The following BTBD9 variants were observed in gnomAD, a reference collection of about 807,000 sequenced individuals.
The protein encoded by BTBD9 is BTB domain containing 9.
BTBD9 carries 49 observed loss-of-function variants against 64.3 expected under a neutral mutation model. The ratio of observed to expected loss-of-function variants is 0.76; its 90% CI spans 0.61 to 0.97. BTBD9 has a LOEUF of 0.97. Ranked by LOEUF, BTBD9 falls within the 50% of genes least tolerant of loss-of-function variation. BTBD9 has a pLI of 0.00. For synonymous variants in BTBD9, 260 were observed against 274.7 expected, an observed-to-expected ratio of 0.95 and a Z score of 0.53; for missense variants, 598 against 762.1, an observed-to-expected ratio of 0.78 and a Z score of 2.53.
intron 6 of BTBD9, among the ~76,000 whole-genome samples, chr6:38,540,310 G>GGT (rs141658236): frequency 0.2 from 31,113 of 152,054 alleles, 3,655 homozygotes; most frequent in Non-Finnish European, 0.29. Context: ...TAACACACAC[G>GGT]GTGGAGGTAT....
At chr6:38,375,978 C>T (rs1765682809) in intron 6 of BTBD9, among the ~76,000 whole-genome samples, 2 of 150,838 alleles carry the variant, frequency 1.3e-5, no homozygotes, top group African/African-American at 2.4e-5. Context: ...AACGTGTAGG[C>T]ATAACTATGA....
intron 9 of BTBD9, among the ~76,000 whole-genome samples, chr6:38,241,464 T>C (rs887236079): frequency 3.3e-5 from 5 of 152,206 alleles, no homozygotes. Flanking sequence ...GCCACATTAC[T>C]AGGAATACAA....
chr6:38,181,937 G>A (rs1761572572), intron 10 of BTBD9, among the ~76,000 whole-genome samples: 1 of 152,132 alleles, frequency 6.6e-6, no homozygotes, highest in Admixed American at 6.5e-5. Context: ...GCAGTGAGCC[G>A]AGATCGCGCC....
chr6:38,273,259 G>A (rs1765254957), intron 8 of BTBD9, among the ~76,000 whole-genome samples: 1 of 152,128 alleles, frequency 6.6e-6, no homozygotes, highest in Non-Finnish European at 1.5e-5. Flanking sequence ...GTACAGTAAT[G>A]TCCTTTTATC....
At chr6:38,579,457 C>T (rs779291738) in intron 5 of BTBD9, among the ~76,000 whole-genome samples, 19 of 152,274 alleles carry the variant, frequency 1.2e-4, no homozygotes, top group Middle Eastern at 6.8e-3. Flanking sequence ...TGCTCTGGTA[C>T]TTCTGCCATT....
intron 8 of BTBD9, among the ~76,000 whole-genome samples, chr6:38,259,451 G>A (rs1764717322): frequency 6.6e-6 from 1 of 152,166 alleles, no homozygotes; most frequent in African/African-American, 2.4e-5. Flanking sequence ...TGCCCAGGCT[G>A]GAGTGCAGTG....
At chr6:38,228,349 C>CA (rs1401295684) in intron 9 of BTBD9, among the ~76,000 whole-genome samples, 13 of 68,334 alleles carry the variant, frequency 1.9e-4, no homozygotes, top group Admixed American at 1.5e-3. Context: ...TGTCCCCCCC[C>CA]CCAAAAAAAA....
intron 6 of BTBD9, among the ~76,000 whole-genome samples, chr6:38,547,909 C>A (rs1378290717): frequency 6.6e-6 from 1 of 152,150 alleles, no homozygotes; most frequent in African/African-American, 2.4e-5. Context: ...TTATCTGGCA[C>A]ACTGTAGACT....
intron 9 of BTBD9, among the ~76,000 whole-genome samples, chr6:38,249,914 T>A (rs545811589): frequency 6.6e-6 from 1 of 152,232 alleles, no homozygotes; most frequent in African/African-American, 2.4e-5. Context: ...GATCCCAGAA[T>A]TACAAGGAAT....
chr6:38,307,506 C>T (rs909706403), intron 7 of BTBD9, among the ~76,000 whole-genome samples: 1 of 152,198 alleles, frequency 6.6e-6, no homozygotes, highest in African/African-American at 2.4e-5. Flanking sequence ...GAACACACTT[C>T]CAGAGAATTC....
chr6:38,234,981 C>T (rs1017369305), intron 9 of BTBD9, among the ~76,000 whole-genome samples: 3 of 152,216 alleles, frequency 2.0e-5, no homozygotes, highest in Non-Finnish European at 2.9e-5. Flanking sequence ...CATACATGCA[C>T]CCCTTATTCC....
intron 1 of BTBD9, among the ~76,000 whole-genome samples, chr6:38,638,518 G>A (rs755322220): frequency 2.6e-5 from 4 of 152,178 alleles, no homozygotes; most frequent in African/African-American, 9.7e-5. Context: ...GTTAGACATA[G>A]GGCAAGGAGG....
At chr6:38,240,346 CTTAA>C (rs1763952798) in intron 9 of BTBD9, among the ~76,000 whole-genome samples, 1 of 152,162 alleles carries the variant, frequency 6.6e-6, no homozygotes, top group Non-Finnish European at 1.5e-5. Context: ...ATTGGGAAGG[CTTAA>C]TTAGTGAGCC....
At chr6:38,375,942 G>A (rs9349075) in intron 6 of BTBD9, among the ~76,000 whole-genome samples, 3,464 of 26,114 alleles carry the variant, frequency 0.13, 105 homozygotes, top group East Asian at 0.32. Flanking sequence ...AAAGAAAGAA[G>A]GAAAGAAGGA....
At chr6:38,634,692 C>A (rs559067944) in intron 1 of BTBD9, among the ~76,000 whole-genome samples, 19 of 152,100 alleles carry the variant, frequency 1.2e-4, no homozygotes, top group Non-Finnish European at 2.5e-4. Context: ...AATTAGAAAT[C>A]ATATCCTCCC....
intron 9 of BTBD9, among the ~76,000 whole-genome samples, chr6:38,199,640 C>G (rs1762388306): frequency 6.6e-6 from 1 of 152,202 alleles, no homozygotes; most frequent in Non-Finnish European, 1.5e-5. Context: ...TAGGGAAGGT[C>G]TCTTGGGTAA....
At chr6:38,505,339 T>C (rs58051855) in intron 6 of BTBD9, among the ~76,000 whole-genome samples, 22,949 of 152,110 alleles carry the variant, frequency 0.15, 1,970 homozygotes, top group Admixed American at 0.21. Context: ...AAATCCCCTA[T>C]GGAGGCCAGG....
At chr6:38,491,433 T>C (rs1771697607) in intron 6 of BTBD9, among the ~76,000 whole-genome samples, 1 of 152,212 alleles carries the variant, frequency 6.6e-6, no homozygotes, top group South Asian at 2.1e-4. Flanking sequence ...GCTAACTAAC[T>C]AGTATTTTAT....
At chr6:38,440,141 T>A (rs1425100437) in intron 6 of BTBD9, among the ~76,000 whole-genome samples, 3 of 152,178 alleles carry the variant, frequency 2.0e-5, no homozygotes, top group Non-Finnish European at 2.9e-5. Context: ...TTGGGAGTGT[T>A]CAGCATAGAT....
Sources: allele counts gnomAD v4.1 joint callset (sites outside exome capture counted in the v4.1 genomes callset), GRCh38; gene constraint gnomAD v4.1.1; transcripts MANE v1.5; gene names NCBI Gene and HGNC (gene_info 2026-07-23, HGNC 2026-07-21).